SERPINA9: variants seen among roughly 807,000 people sequenced by gnomAD.
The protein encoded by SERPINA9 is serpin A9.
A neutral mutation model predicts 24.5 loss-of-function variants in SERPINA9; 32 were observed. That is an observed-to-expected ratio of 1.30 (90% CI 0.98 to 1.75). The LOEUF is 1.75. Among genes scored for constraint, SERPINA9 ranks in the 40% most tolerant of loss-of-function variants. The pLI, the probability that SERPINA9 is intolerant of heterozygous loss-of-function variation, is 0.00. For synonymous variants in SERPINA9, 233 were observed against 197.7 expected (o/e 1.18, Z -1.50); for missense variants, 594 against 497.1 (o/e 1.19, Z -1.85).
Position 94,463,294 on chromosome 14 carries a change from T to G in SERPINA9, c.1053A>C (p.Ala351=), listed in dbSNP as rs571415407. Residue 351 remains alanine (A), a splice_region_variant and synonymous_variant, in exon 5 of 5, where the codon GCA becomes GCC. Transcript: ENST00000674397. Reference sequence around the variant, plus strand: ...TGACATCCAGCACAGCCTTGTGGGTTGCCTGCCAAGGGAAAAACAAACATC... The same window carrying G: ...TGACATCCAGCACAGCCTTGTGGGTGGCCTGCCAAGGGAAAAACAAACATC... ...AKRDSLQVSK[A]THKAVLDVSE... The G allele has an allele frequency of 6.2e-7, 1 of 1,613,966 alleles. No individual in the cohort carries two copies. Among genetic ancestry groups the G allele is most frequent in the Non-Finnish European group, 8.5e-7 (1 of 1,179,998 alleles).
intron 4 of SERPINA9, 97 bp downstream of exon 4, chr14:94,464,610 A>AAC (rs1898905717): frequency 9.4e-7 from 1 of 1,058,752 alleles, no homozygotes; most frequent in Non-Finnish European, 1.4e-6. Flanking sequence ...TTCACCTTTC[A>AAC]GGCCTCTGTT....
intron 2 of SERPINA9, 101 bp from the exon 3 acceptor site, chr14:94,467,483 T>C: frequency 1.7e-6 from 2 of 1,150,164 alleles, no homozygotes; most frequent in South Asian, 3.2e-5. Context: ...GTATGAGGTT[T>C]CTTTTTGAGG....
At position 94,469,288 on chromosome 14, in the gene SERPINA9, C is replaced by T; in HGVS notation, c.553G>A (p.Gly185Arg). The T allele has an allele frequency of 6.2e-7, 1 of 1,614,244 alleles. No homozygotes were observed. Among genetic ancestry groups the T allele is most frequent in the South Asian group, 1.1e-5 (1 of 91,092 alleles). Residue 185 changes from glycine (G) to arginine (R), a missense_variant, in exon 2 of 5, where the codon GGG (glycine) becomes AGG (arginine). Coordinates refer to ENST00000674397, the MANE Select transcript of SERPINA9 (RefSeq NM_175739.4). ...CCTTGGATTATGTCTACAACCTTCC[C>T]TTGGGTCTTCTTTTTCACATGGCTG... is the stretch of plus-strand genomic sequence containing the variant. ...INSHVKKKTQ[G>R]KVVDIIQGLD...
At chr14:94,472,565 T>A (rs561501170) in intron 1 of SERPINA9, among the ~76,000 whole-genome samples, 2 of 152,318 alleles carry the variant, frequency 1.3e-5, no homozygotes, top group South Asian at 4.1e-4. Context: ...GGGTTGAACA[T>A]GTACGCTTAT....
chr14:94,473,519 CA>C (rs60938632), intron 1 of SERPINA9, among the ~76,000 whole-genome samples: 18,000 of 82,840 alleles, frequency 0.22, 1,121 homozygotes, highest in East Asian at 0.41. Flanking sequence ...AACTCTGTCT[CA>C]AAAAAAAAAA....
chr14:94,467,732 C>A (rs1899079055), intron 2 of SERPINA9, among the ~76,000 whole-genome samples: 1 of 151,506 alleles, frequency 6.6e-6, no homozygotes, highest in African/African-American at 2.4e-5. Context: ...GATAGCCTGG[C>A]AGATGGAGGG....
In SERPINA9 at chr14:94,464,858, T is replaced by C. The variant is rs1458617930; in HGVS notation, c.903-4A>G. On this transcript the variant is annotated splice_region_variant and splice_polypyrimidine_tract_variant and intron_variant, in intron 3 of 4. Transcript: ENST00000674397. ...GGGGATGAACACCTCTATCCACCTG[T>C]GGAGTAGGGAAAAGGAAACAATGAG... is the stretch of plus-strand genomic sequence containing the variant. 4.3e-6 allele frequency: 7 copies of C among 1,609,214 alleles called. No homozygotes were observed. In the South Asian group the frequency reaches 7.8e-5, roughly 18 times the overall value.
intron 1 of SERPINA9, among the ~76,000 whole-genome samples, chr14:94,474,219 CA>C (rs925118166): frequency 3.3e-5 from 5 of 152,184 alleles, no homozygotes; most frequent in Admixed American, 2.0e-4. Context: ...AGGTGGCTCT[CA>C]GGGGGCCCCC....
At position 94,469,407 on chromosome 14, in the gene SERPINA9, T is replaced by C. The variant is rs767692246; in HGVS notation, c.434A>G (p.Gln145Arg). The change falls in exon 2 of 5, where the codon CAG becomes CGG. Residue 145 changes from glutamine to arginine, a missense_variant. By Grantham distance (43) the Gln-to-Arg change is conservative. Transcript: ENST00000674397. ...ALFVKKELQL[Q>R]ANFLGNVKRL... Reference sequence around the variant, plus strand: ...CTTGACATTGCCCAAGAAATTTGCCTGCAGCTGCAGCTCCTTCTTGACGAA... The same window carrying C: ...CTTGACATTGCCCAAGAAATTTGCCCGCAGCTGCAGCTCCTTCTTGACGAA... The C allele has an allele frequency of 3.7e-6, 6 of 1,614,018 alleles. No individual in the cohort carries two copies. The highest frequency in any genetic ancestry group is 5.1e-6 in the Non-Finnish European group (6 of 1,180,036).
chr14:94,475,993 A>G (rs527952787), intron 1 of SERPINA9, 143 bp downstream of exon 1: 5 of 1,309,520 alleles, frequency 3.8e-6, no homozygotes, highest in Admixed American at 2.0e-5. Context: ...AGATGCTACT[A>G]AAAGCCAACT....
rs1899226226 is a variant in SERPINA9 at position 94,469,857 on chromosome 14, T to C, written c.-17A>G. Reference sequence around the variant, plus strand: ...AGATGCCATTTTGGAACAAAATATGTCTGCAAGAGAAGTAAGAACCATTGA... The same window carrying C: ...AGATGCCATTTTGGAACAAAATATGCCTGCAAGAGAAGTAAGAACCATTGA... On this transcript the variant is annotated splice_region_variant and 5_prime_UTR_variant, in exon 2 of 5. Coordinates refer to ENST00000674397, the MANE Select transcript of SERPINA9 (RefSeq NM_175739.4). 2 of 1,507,936 alleles carry C rather than the reference T, an allele frequency of 1.3e-6. No homozygotes were observed. The highest frequency in any genetic ancestry group is 2.3e-5 in the Admixed American group (1 of 43,918). 93.4% of individuals were successfully genotyped at this position (1,507,936 alleles called of 1,614,324 possible). A position where few individuals can be genotyped will look rare whatever the true frequency, so the allele number is the denominator to read the frequency against.
chr14:94,469,234 C>T lies in SERPINA9; in HGVS notation c.607G>A (p.Val203Met). 1 of 1,613,298 alleles carries T rather than the reference C, an allele frequency of 6.2e-7. No homozygotes were observed. The highest frequency in any genetic ancestry group is 8.5e-7 in the Non-Finnish European group (1 of 1,179,492). Residue 203 changes from valine (V) to methionine (M), a missense_variant, in exon 2 of 5, where the codon GTG becomes ATG. Val to Met is a conservative substitution (Grantham distance 21). Coordinates refer to ENST00000674397, the MANE Select transcript of SERPINA9 (RefSeq NM_175739.4). ...TTACCTTTAAAGAAAATGTGGTTCA[C>T]CAGAACCATGGCCGTCAGAAGGTCA... is the stretch of plus-strand genomic sequence containing the variant. ...GLDLLTAMVL[V>M]NHIFFKAKWE...
At chr14:94,475,182 C>T (rs532048443) in intron 1 of SERPINA9, among the ~76,000 whole-genome samples, 8 of 152,292 alleles carry the variant, frequency 5.3e-5, no homozygotes, top group South Asian at 4.1e-4. Flanking sequence ...TAGAACCTAC[C>T]TGTCTGCTCC....
intron 1 of SERPINA9, 140 bp downstream of exon 1, chr14:94,475,996 A>T (rs1323870126): frequency 9.0e-6 from 12 of 1,328,698 alleles, no homozygotes; most frequent in Non-Finnish European, 1.2e-5. Context: ...TGCTACTAAA[A>T]GCCAACTAAT....
In SERPINA9 at chr14:94,467,170, G is replaced by A. The variant is rs1158942785; in HGVS notation, c.841C>T (p.Gln281Ter). The A allele has an allele frequency of 6.2e-7, 1 of 1,614,216 alleles. No individual in the cohort carries two copies. The highest frequency in any genetic ancestry group is 8.5e-7 in the Non-Finnish European group (1 of 1,180,028). Residue 281 changes from glutamine to a stop codon, truncating the protein, a stop_gained, in exon 3 of 5, where the codon CAA becomes TAA. Coordinates refer to ENST00000674397, the MANE Select transcript of SERPINA9 (RefSeq NM_175739.4). LOFTEE classifies it high-confidence loss of function. ...CTGGCTGACAAGGCCTGTTCCAGTT[G>A]CCTCATCTTGCCCTTGCTAGGGAGG... The part of the protein sequence containing the change: ...FVLPSKGKMR[Q>*]LEQALSARTL...
intron 3 of SERPINA9, among the ~76,000 whole-genome samples, chr14:94,465,663 G>A (rs1393409932): frequency 6.6e-6 from 1 of 152,150 alleles, no homozygotes; most frequent in Non-Finnish European, 1.5e-5. Context: ...AAGTAGCTGG[G>A]ATTACAGGTG....
Position 94,463,054 on chromosome 14 carries a change from C to T in SERPINA9, c.*39G>A, listed in dbSNP as rs1566788725. The stretch of plus-strand genomic sequence containing the variant: ...GGGATGTGGTTTGTTATTTCTTGTG[C>T]ATTAGCAATGTGCCATCAGTTAACA... On this transcript the variant is annotated 3_prime_UTR_variant, in exon 5 of 5. Transcript: ENST00000674397. 1 of 1,492,122 alleles carries T rather than the reference C, an allele frequency of 6.7e-7. No homozygotes were observed. The highest frequency in any genetic ancestry group is 9.4e-7 in the Non-Finnish European group (1 of 1,068,638). 92.4% of individuals were successfully genotyped at this position (1,492,122 alleles called of 1,614,324 possible).
At chr14:94,468,115 T>C (rs573469039) in intron 2 of SERPINA9, among the ~76,000 whole-genome samples, 1 of 151,682 alleles carries the variant, frequency 6.6e-6, no homozygotes, top group African/African-American at 2.4e-5. Context: ...GGGTGGATAG[T>C]TTGGTGAATG....
Position 94,469,739 on chromosome 14 carries a change from G to A in SERPINA9, c.102C>T (p.Ser34=), listed in dbSNP as rs375474833. 225 of 1,582,628 alleles carry A rather than the reference G, an allele frequency of 1.4e-4. No individual in the cohort carries two copies. In the African/African-American group the frequency reaches 2.9e-3, roughly 20 times the overall value. The stretch of plus-strand genomic sequence containing the variant: ...GTGAGGCAGGGGTGCTCTTTGTGGA[G>A]GAAGGGCGGGGGTATGCACTGGGGG... ...ANAPSAYPRP[S]STKSTPASQV... is the part of the protein sequence containing the mutation. The change falls in exon 2 of 5, where the codon TCC becomes TCT. Residue 34 remains serine, a synonymous_variant. Coordinates refer to ENST00000674397, the MANE Select transcript of SERPINA9 (RefSeq NM_175739.4).
Sources: gnomAD v4.1 joint callset for allele counts (sites outside exome capture counted in the v4.1 genomes callset) on GRCh38, gnomAD v4.1.1 for gene constraint, MANE v1.5 for transcripts, NCBI Gene and HGNC (gene_info 2026-07-23, HGNC 2026-07-21) for gene names.